The following RBM46 variants were observed in gnomAD, a reference collection of about 807,000 sequenced individuals.
RBM46 encodes probable RNA-binding protein 46.
Under a neutral mutation model 43.3 loss-of-function variants are expected in RBM46, and 12 were observed. The observed-to-expected ratio is 0.28, with a 90% confidence interval of 0.18 to 0.45. RBM46 has a LOEUF of 0.45. Among genes scored for constraint, RBM46 ranks in the 20% least tolerant of loss-of-function variants. RBM46 has a pLI of 1.00. For missense variants in RBM46, 412 were observed against 639.1 expected, an observed-to-expected ratio of 0.64 and a Z score of 3.83; for synonymous variants, 205 against 207.6, an observed-to-expected ratio of 0.99 and a Z score of 0.11.
At chr4:154,782,454 G>A (rs1418861025) in intron 1 of RBM46, among the ~76,000 whole-genome samples, 2 of 152,160 alleles carry the variant, frequency 1.3e-5, no homozygotes, top group Non-Finnish European at 2.9e-5. Context: ...AAATATCAAA[G>A]AGGAAATATC....
At chr4:154,810,812 C>G (rs1735137574) in intron 4 of RBM46, among the ~76,000 whole-genome samples, 1 of 152,152 alleles carries the variant, frequency 6.6e-6, no homozygotes, top group South Asian at 2.1e-4. Context: ...TTCAAGCCCT[C>G]TGAGAAATTT....
chr4:154,817,997 A>G (rs1266317737), intron 4 of RBM46, among the ~76,000 whole-genome samples: 1 of 152,116 alleles, frequency 6.6e-6, no homozygotes, highest in African/African-American at 2.4e-5. Flanking sequence ...AATACAAGGA[A>G]CTTAGTACAC....
At chr4:154,781,848 C>A (rs1464353981) in intron 1 of RBM46, 2 of 152,348 alleles carry the variant, frequency 1.3e-5, no homozygotes, top group African/African-American at 4.8e-5. Flanking sequence ...ACGACCGCTG[C>A]AGGCCCGGGC....
chr4:154,782,647 A>G (rs890402596), intron 1 of RBM46, among the ~76,000 whole-genome samples: 1 of 152,024 alleles, frequency 6.6e-6, no homozygotes, highest in African/African-American at 2.4e-5. Flanking sequence ...CACCACGCAC[A>G]GCTGATTTTT....
rs141791377 is a variant in RBM46, at chr4:154,826,789, G to T, written c.1403-1079G>T. ...CTAGGTCCTTTCTGATGTTGCTTGA[G>T]CTTACTCTCCTGCAGTTGATCTCAT... On this transcript the variant is annotated intron_variant, in intron 4 of 4. Transcript: ENST00000281722. The T allele has an allele frequency of 3.0e-5, 44 of 1,481,776 alleles. 1 individual carries two copies. The African/African-American group carries it at 5.1e-4, about 17-fold the overall frequency. 91.8% of individuals were successfully genotyped at this position (1,481,776 alleles called of 1,614,324 possible).
chr4:154,813,500 GTGTTTA>G (rs1162903991), intron 4 of RBM46, among the ~76,000 whole-genome samples: 1 of 151,928 alleles, frequency 6.6e-6, no homozygotes, highest in Non-Finnish European at 1.5e-5. Context: ...GAAAACCTTT[GTGTTTA>G]TATCAACCAA....
At chr4:154,781,556 A>C (rs1013231044) in intron 1 of RBM46, 120 bp downstream of exon 1, 4 of 152,362 alleles carry the variant, frequency 2.6e-5, no homozygotes, top group African/African-American at 9.7e-5. Flanking sequence ...TGCGGGGTTC[A>C]CCCTCGTCCT....
intron 1 of RBM46, among the ~76,000 whole-genome samples, chr4:154,788,129 T>G (rs1733878403): frequency 1.3e-5 from 2 of 152,240 alleles, no homozygotes; most frequent in South Asian, 4.1e-4. Context: ...TCTCCCATTC[T>G]GTAGGTTGCC....
At chr4:154,815,764 T>C (rs765490635) in intron 4 of RBM46, among the ~76,000 whole-genome samples, 30 of 152,068 alleles carry the variant, frequency 2.0e-4, no homozygotes, top group East Asian at 1.9e-4. Context: ...TTTTGAAACA[T>C]AGAAGTTCTT....
chr4:154,823,388 G>A (rs1010747934), intron 4 of RBM46, among the ~76,000 whole-genome samples: 1 of 151,816 alleles, frequency 6.6e-6, no homozygotes, highest in African/African-American at 2.4e-5. Context: ...GATAGAAAGT[G>A]GATGGATATG....
At chr4:154,815,210 A>G (rs2111191797) in intron 4 of RBM46, among the ~76,000 whole-genome samples, 1 of 152,088 alleles carries the variant, frequency 6.6e-6, no homozygotes, top group East Asian at 1.9e-4. Flanking sequence ...TGTTGTATAT[A>G]ACTTGCTGTC....
intron 4 of RBM46, among the ~76,000 whole-genome samples, chr4:154,805,736 T>C (rs577574009): frequency 6.6e-6 from 1 of 152,042 alleles, no homozygotes; most frequent in East Asian, 1.9e-4. Flanking sequence ...TTCCAAACCA[T>C]TGCTTTGAAA....
intron 1 of RBM46, among the ~76,000 whole-genome samples, chr4:154,796,260 T>A (rs1734345260): frequency 6.6e-6 from 1 of 152,218 alleles, no homozygotes; most frequent in Non-Finnish European, 1.5e-5. Flanking sequence ...AGATTTCTGG[T>A]TGTGAGAGTT....
At chr4:154,782,065 C>T (rs1733509580) in intron 1 of RBM46, 1 of 152,482 alleles carries the variant, frequency 6.6e-6, no homozygotes, top group Non-Finnish European at 1.5e-5. Context: ...CCTGTTTCTT[C>T]CCCGAGTACC....
intron 4 of RBM46, among the ~76,000 whole-genome samples, chr4:154,804,104 A>G (rs929909191): frequency 6.6e-6 from 1 of 152,182 alleles, no homozygotes; most frequent in Non-Finnish European, 1.5e-5. Context: ...AGGCCTTCCC[A>G]GTAGCCTAGC....
At chr4:154,811,078 A>C (rs1480792642) in intron 4 of RBM46, among the ~76,000 whole-genome samples, 1 of 152,180 alleles carries the variant, frequency 6.6e-6, no homozygotes, top group African/African-American at 2.4e-5. Context: ...TAGACCTTAC[A>C]TTCTATTGAG....
chr4:154,791,502 G>A (rs1734091667), intron 1 of RBM46, among the ~76,000 whole-genome samples: 1 of 152,094 alleles, frequency 6.6e-6, no homozygotes, highest in Non-Finnish European at 1.5e-5. Context: ...TAAAAAATTA[G>A]CTGGATGTGG....
At chr4:154,790,943 A>C (rs1000765038) in intron 1 of RBM46, among the ~76,000 whole-genome samples, 6 of 152,150 alleles carry the variant, frequency 3.9e-5, no homozygotes, top group Non-Finnish European at 5.9e-5. Flanking sequence ...CTGAATTTCA[A>C]CCGACAATAG....
chr4:154,799,755 CTTT>C (rs35629123), intron 4 of RBM46, among the ~76,000 whole-genome samples, 191 bp downstream of exon 4: 73 of 114,638 alleles, frequency 6.4e-4, no homozygotes, highest in Admixed American at 1.6e-3. Context: ...TTTAGCTTTT[CTTT>C]TTTTTTTTTT....
Sources: gnomAD v4.1 joint callset for allele counts (sites outside exome capture counted in the v4.1 genomes callset) on GRCh38, gnomAD v4.1.1 for gene constraint, MANE v1.5 for transcripts, NCBI Gene and HGNC (gene_info 2026-07-23, HGNC 2026-07-21) for gene names.